The following WDFY3 variants were observed in gnomAD, a reference collection of about 807,000 sequenced individuals.
The protein encoded by WDFY3 is WD repeat and FYVE domain-containing protein 3.
Under a neutral mutation model 409.6 loss-of-function variants are expected in WDFY3, and 66 were observed. That is an observed-to-expected ratio of 0.16 (90% CI 0.13 to 0.20). The LOEUF (loss-of-function observed/expected upper bound fraction) is 0.20. Ranked by LOEUF, WDFY3 falls within the 10% of genes least tolerant of loss-of-function variation. WDFY3 has a pLI of 1.00. For synonymous variants in WDFY3, 1,521 were observed against 1,537.1 expected (o/e 0.99, Z 0.25); for missense variants, 3,031 against 4,298.1 (o/e 0.71, Z 8.24).
intron 2 of WDFY3, among the ~76,000 whole-genome samples, chr4:84,905,563 T>C (rs1766934414): frequency 6.6e-6 from 1 of 152,198 alleles, no homozygotes; most frequent in Non-Finnish European, 1.5e-5. Context: ...TGCGATTATC[T>C]TTCACCTGAA....
intron 3 of WDFY3, among the ~76,000 whole-genome samples, chr4:84,887,775 T>G (rs1349240389): frequency 6.6e-6 from 1 of 152,242 alleles, no homozygotes; most frequent in Non-Finnish European, 1.5e-5. Flanking sequence ...AGTACTCTTT[T>G]ATTAAATGGA....
intron 3 of WDFY3, among the ~76,000 whole-genome samples, chr4:84,881,610 G>C (rs1442951587): frequency 6.6e-6 from 1 of 151,322 alleles, no homozygotes; most frequent in Non-Finnish European, 1.5e-5. Context: ...TGTTAAGCCA[G>C]GTGCAGTGGC....
intron 37 of WDFY3, among the ~76,000 whole-genome samples, chr4:84,743,450 T>A (rs983946433): frequency 3.3e-5 from 5 of 152,174 alleles, no homozygotes; most frequent in Non-Finnish European, 7.4e-5. Flanking sequence ...TTAAAATAAT[T>A]ATCTCAAGCT....
At chr4:84,721,052 G>T (rs1375880413) in intron 47 of WDFY3, among the ~76,000 whole-genome samples, 1 of 152,168 alleles carries the variant, frequency 6.6e-6, no homozygotes, top group Admixed American at 6.5e-5. Context: ...CCGCTTGTAG[G>T]TTATTACTGG....
At chr4:84,953,271 T>C (rs1252626663) in intron 1 of WDFY3, among the ~76,000 whole-genome samples, 2 of 150,742 alleles carry the variant, frequency 1.3e-5, no homozygotes, top group African/African-American at 4.9e-5. Context: ...AGAATAAAAC[T>C]AGTTATGAGG....
intron 12 of WDFY3, 147 bp downstream of exon 12, chr4:84,819,938 T>C: frequency 1.6e-6 from 1 of 619,638 alleles, no homozygotes. Flanking sequence ...TCAAAAGCAC[T>C]GCATTTTTAG....
intron 62 of WDFY3, among the ~76,000 whole-genome samples, 170 bp from the exon 63 acceptor site, chr4:84,684,295 T>A (rs2148800768): frequency 6.6e-6 from 1 of 152,156 alleles, no homozygotes; most frequent in South Asian, 2.1e-4. Flanking sequence ...TAAAAAAAAA[T>A]ACTCCGAACA....
At position 84,693,536 on chromosome 4, in the gene WDFY3, G is replaced by A. The variant is rs1560540534; in HGVS notation, c.8902-504C>T. 2.0e-5 allele frequency among the ~76,000 whole-genome samples: 3 copies of A among 152,036 alleles called. No individual in the cohort carries two copies. In the South Asian group the frequency reaches 6.2e-4, roughly 32 times the overall value. ...AATATTATCATCTTCTTTGTGCTTT[G>A]CTATGTTGTAAAGGGAAAAAAGAAA... On this transcript the variant is annotated intron_variant, in intron 58 of 67. Transcript: ENST00000295888.
At chr4:84,825,514 A>G (rs1321312089) in intron 10 of WDFY3, among the ~76,000 whole-genome samples, 1 of 151,762 alleles carries the variant, frequency 6.6e-6, no homozygotes, top group Non-Finnish European at 1.5e-5. Flanking sequence ...TTGCCACACT[A>G]TTTTTTTCTT....
At position 84,831,553 on chromosome 4, in the gene WDFY3, T is replaced by G. The variant is rs1444247801; in HGVS notation, c.629A>C (p.Lys210Thr). ...ACTGAATAGAAGCTGGAGATCATCT[T>G]TCTGAGCCAGCTCCTCCGCAGGGGA... ...FVSPAEELAQ[K>T]DDLQLLFSAI... The change falls in exon 8 of 68, where the codon AAA (lysine) becomes ACA (threonine). Residue 210 changes from lysine (K) to threonine (T), a missense_variant. Lys to Thr is a moderately conservative substitution (Grantham distance 78). Coordinates refer to ENST00000295888, the MANE Select transcript of WDFY3 (RefSeq NM_014991.6). 1.2e-6 allele frequency: 2 copies of G among 1,614,078 alleles called. No individual in the cohort carries two copies. The highest frequency in any genetic ancestry group is 2.2e-5 in the East Asian group (1 of 44,868).
At chr4:84,882,702 T>C (rs1157037032) in intron 3 of WDFY3, among the ~76,000 whole-genome samples, 1 of 151,944 alleles carries the variant, frequency 6.6e-6, no homozygotes, top group Non-Finnish European at 1.5e-5. Flanking sequence ...AATCAGAGTA[T>C]TATTGTTTCA....
Position 84,671,644 on chromosome 4 carries a change from A to AATT in WDFY3, c.*1223_*1224insAAT, listed in dbSNP as rs1454032408. 2 of 152,446 alleles carry AATT rather than the reference A, an allele frequency of 1.3e-5. No homozygotes were observed. The highest frequency in any genetic ancestry group is 2.9e-5 in the Non-Finnish European group (2 of 68,006). The allele number at this position is 152,446 out of a possible 1,614,324, so 9.4% of individuals were successfully genotyped here. A position where few individuals can be genotyped will look rare whatever the true frequency, so the allele number is the denominator to read the frequency against. ...ACTAGTAGAACAAATTAAATAACTA[A>AATT]ATATTAAAATACTGTAATTATATTC... On this transcript the variant is annotated 3_prime_UTR_variant, in exon 68 of 68. Transcript: ENST00000295888.
intron 61 of WDFY3, among the ~76,000 whole-genome samples, chr4:84,689,069 C>T (rs1413717218): frequency 3.3e-5 from 5 of 152,264 alleles, no homozygotes; most frequent in Admixed American, 1.3e-4. Context: ...CTTCATCTGC[C>T]GCCTTCCACA....
At chr4:84,840,457 G>C (rs868617458) in intron 6 of WDFY3, among the ~76,000 whole-genome samples, 7 of 152,260 alleles carry the variant, frequency 4.6e-5, no homozygotes, top group Non-Finnish European at 7.4e-5. Flanking sequence ...TCCTGAGCCA[G>C]AGTTTCCCTA....
intron 51 of WDFY3, among the ~76,000 whole-genome samples, 156 bp downstream of exon 51, chr4:84,713,003 T>C (rs893277788): frequency 2.0e-5 from 3 of 152,176 alleles, no homozygotes; most frequent in Non-Finnish European, 4.4e-5. Flanking sequence ...TATGCATACC[T>C]TTTTCTTTTC....
intron 32 of WDFY3, among the ~76,000 whole-genome samples, chr4:84,759,675 A>AG (rs1254979061): frequency 2.7e-5 from 4 of 149,212 alleles, no homozygotes; most frequent in African/African-American, 9.9e-5. Context: ...ACTTTGCTGA[A>AG]GTTGCTTATC....
chr4:84,694,733 C>A (rs1729816905), intron 58 of WDFY3, among the ~76,000 whole-genome samples: 1 of 151,856 alleles, frequency 6.6e-6, no homozygotes, highest in African/African-American at 2.4e-5. Flanking sequence ...GAGTTCAAGA[C>A]CAGCCTGGGC....
chr4:84,855,664 T>C (rs1429644726), intron 4 of WDFY3, among the ~76,000 whole-genome samples: 1 of 152,186 alleles, frequency 6.6e-6, no homozygotes, highest in Non-Finnish European at 1.5e-5. Context: ...TATCTAAAAT[T>C]AAGTCAGACT....
rs1763689861 is a variant in WDFY3, at chr4:84,882,639, T to C, written c.-32+14272A>G. ...ACTTTAAAATAAAAGGTGATACTAA[T>C]ATGACTATCAGGGACACAAAAATTA... is the stretch of plus-strand genomic sequence containing the variant. On this transcript the variant is annotated intron_variant, in intron 3 of 67. Transcript: ENST00000295888. 7.2e-5 allele frequency among the ~76,000 whole-genome samples: 11 copies of C among 152,206 alleles called. No homozygotes were observed. In the South Asian group the frequency reaches 2.3e-3, roughly 32 times the overall value.
Sources: gnomAD v4.1 joint callset for allele counts (sites outside exome capture counted in the v4.1 genomes callset) on GRCh38, gnomAD v4.1.1 for gene constraint, MANE v1.5 for transcripts, NCBI Gene and HGNC (gene_info 2026-07-23, HGNC 2026-07-21) for gene names.